FHOD3: variants seen among roughly 807,000 people sequenced by gnomAD.
The protein encoded by FHOD3 is FH1/FH2 domain-containing protein 3.
In FHOD3, 90 loss-of-function variants were observed where a neutral mutation model predicts 173.0. The ratio of observed to expected loss-of-function variants is 0.52; its 90% CI spans 0.44 to 0.62. FHOD3 has a LOEUF of 0.62. Among genes scored for constraint, FHOD3 ranks in the 20% least tolerant of loss-of-function variants. The pLI is 0.00. For missense variants in FHOD3, 1,945 were observed against 2,034.7 expected (o/e 0.96, Z 0.85); for synonymous variants, 828 against 823.0 (o/e 1.01, Z -0.10).
intron 5 of FHOD3, among the ~76,000 whole-genome samples, chr18:36,534,222 G>A (rs2056899984): frequency 6.6e-6 from 1 of 152,190 alleles, no homozygotes. Flanking sequence ...CTCCTATGTG[G>A]TTTAGGGGAG....
chr18:36,630,390 TC>T (rs1431916940), intron 10 of FHOD3, among the ~76,000 whole-genome samples: 2 of 152,312 alleles, frequency 1.3e-5, no homozygotes, highest in Middle Eastern at 3.4e-3. Flanking sequence ...TGATTTTAAG[TC>T]CGTTTAGCAA....
chr18:36,402,175 G>T (rs2048844617), intron 3 of FHOD3, among the ~76,000 whole-genome samples: 1 of 152,136 alleles, frequency 6.6e-6, no homozygotes, highest in African/African-American at 2.4e-5. Flanking sequence ...GCTGGGCGTG[G>T]TCCTTTTGTT....
At position 36,780,109 on chromosome 18, in the gene FHOD3, C is replaced by T. The variant is rs1404707014; in HGVS notation, c.*579C>T. 8 of 1,230,650 alleles carry T rather than the reference C, an allele frequency of 6.5e-6. No homozygotes were observed. Among genetic ancestry groups the T allele is most frequent in the Non-Finnish European group, 8.1e-6 (8 of 986,814 alleles). The allele number at this position is 1,230,650 out of a possible 1,614,324, so 76.2% of individuals were successfully genotyped here. On this transcript the variant is annotated 3_prime_UTR_variant, in exon 29 of 29. Transcript: ENST00000590592. ...ACAGGACCTTAAACAGTTCCACAGG[C>T]TCGCCTCTTCAGAATGGCAAAACTC...
At chr18:36,657,523 C>T (rs1220106691) in intron 13 of FHOD3, among the ~76,000 whole-genome samples, 1 of 152,224 alleles carries the variant, frequency 6.6e-6, no homozygotes, top group African/African-American at 2.4e-5. Flanking sequence ...TGAATACATG[C>T]ACCTCTAAGG....
intron 28 of FHOD3, among the ~76,000 whole-genome samples, chr18:36,777,132 C>A (rs1469570084): frequency 6.6e-6 from 1 of 151,958 alleles, no homozygotes; most frequent in Non-Finnish European, 1.5e-5. Flanking sequence ...TCCACACCAC[C>A]TTCTGTGGCT....
intron 5 of FHOD3, among the ~76,000 whole-genome samples, chr18:36,572,741 C>T (rs1333256923): frequency 1.3e-5 from 2 of 152,154 alleles, no homozygotes; most frequent in Non-Finnish European, 2.9e-5. Flanking sequence ...GGGGGGAGGC[C>T]TTCAGTCCCA....
At chr18:36,482,725 G>A (rs1359594675) in intron 3 of FHOD3, among the ~76,000 whole-genome samples, 3 of 152,004 alleles carry the variant, frequency 2.0e-5, no homozygotes, top group African/African-American at 7.3e-5. Context: ...CTCCCTGAGA[G>A]CAAGTCTTTT....
intron 14 of FHOD3, among the ~76,000 whole-genome samples, chr18:36,664,043 A>G (rs932938061): frequency 2.0e-5 from 3 of 152,098 alleles, no homozygotes; most frequent in Admixed American, 2.0e-4. Context: ...TGGATCCCAG[A>G]TGCTTGCTGG....
At position 36,744,575 on chromosome 18, in the gene FHOD3, A is replaced by T. The variant is rs573147898; in HGVS notation, c.4041+382A>T. Among the ~76,000 whole-genome samples the T allele has an allele frequency of 2.6e-5, 4 of 152,338 alleles. No homozygotes were observed. In the South Asian group the frequency reaches 8.3e-4, roughly 32 times the overall value. ...CAATTTGGCTCTTCCTGAGATGTCC[A>T]TAGGACCTTGCAGTGAGGTGTGGAG... On this transcript the variant is annotated intron_variant, in intron 23 of 28. Transcript: ENST00000590592.
chr18:36,556,450 T>C (rs981937222), intron 5 of FHOD3, among the ~76,000 whole-genome samples: 1 of 152,094 alleles, frequency 6.6e-6, no homozygotes, highest in Non-Finnish European at 1.5e-5. Context: ...TATGCACAGG[T>C]TTTTGGCATC....
intron 5 of FHOD3, among the ~76,000 whole-genome samples, chr18:36,516,421 G>A (rs1225762094): frequency 6.6e-6 from 1 of 152,228 alleles, no homozygotes; most frequent in Non-Finnish European, 1.5e-5. Context: ...CCAAGGGACA[G>A]GCAAGCCAGC....
At chr18:36,772,626 A>C (rs1418472924) in intron 28 of FHOD3, among the ~76,000 whole-genome samples, 2 of 152,258 alleles carry the variant, frequency 1.3e-5, no homozygotes, top group African/African-American at 2.4e-5. Context: ...CTGGTGACTG[A>C]GCCCACACAT....
chr18:36,418,300 T>C (rs1253353793), intron 3 of FHOD3, among the ~76,000 whole-genome samples: 1 of 152,244 alleles, frequency 6.6e-6, no homozygotes, highest in Non-Finnish European at 1.5e-5. Context: ...TTTTAGAGGT[T>C]ATTATTTAGA....
chr18:36,766,455 A>G lies in FHOD3; in HGVS notation c.4625-2810A>G, dbSNP rs193266426. Among the ~76,000 whole-genome samples the G allele has an allele frequency of 1.4e-3, 220 of 152,280 alleles. 1 individual carries two copies. The highest frequency in any genetic ancestry group is 5.0e-3 in the African/African-American group (207 of 41,558). On this transcript the variant is annotated intron_variant, in intron 27 of 28. Coordinates refer to ENST00000590592, the MANE Select transcript of FHOD3 (RefSeq NM_001281740.3). ...GCTTTATCCTCTCCACCACATCTCA[A>G]ATGTCTTGCTAACACTTACTACTAC...
intron 15 of FHOD3, among the ~76,000 whole-genome samples, chr18:36,685,483 G>C (rs142516369): frequency 2.6e-5 from 4 of 152,228 alleles, no homozygotes; most frequent in East Asian, 1.9e-4. Flanking sequence ...TATGCTCCTC[G>C]TGCTTTTTGC....
rs746067706 is a variant in FHOD3 at position 36,309,763 on chromosome 18, G to A, written c.165+11763G>A. 3.9e-5 allele frequency among the ~76,000 whole-genome samples: 6 copies of A among 152,162 alleles called. 1 individual carries two copies. Among genetic ancestry groups the A allele is most frequent in the African/African-American group, 9.7e-5 (4 of 41,442 alleles). On this transcript the variant is annotated intron_variant, in intron 1 of 28. Transcript: ENST00000590592. ...TGTCCAGAACAATAGTCAAGGATAC[G>A]AGTGGTTTTTTGTTCCCAGAACTGA...
intron 14 of FHOD3, among the ~76,000 whole-genome samples, chr18:36,670,110 T>A (rs1407243327): frequency 6.6e-6 from 1 of 152,118 alleles, no homozygotes; most frequent in Non-Finnish European, 1.5e-5. Context: ...TCTGTTTTTA[T>A]TTTTATACCT....
rs201739878 is a variant in FHOD3 at position 36,488,016 on chromosome 18, G to A, written c.338-13916G>A. Among the ~76,000 whole-genome samples, 5 of 152,258 alleles carry A rather than the reference G, an allele frequency of 3.3e-5. No homozygotes were observed. In the East Asian group the frequency reaches 7.7e-4, roughly 23 times the overall value. ...TATATTATTTTACTGTTGTTCTTCT[G>A]TTCCCCATTCATTACTGAATAAACT... On this transcript the variant is annotated intron_variant, in intron 3 of 28. Coordinates refer to ENST00000590592, the MANE Select transcript of FHOD3 (RefSeq NM_001281740.3).
chr18:36,591,088 T>G (rs1416953465), intron 6 of FHOD3, among the ~76,000 whole-genome samples: 1 of 152,228 alleles, frequency 6.6e-6, no homozygotes, highest in Non-Finnish European at 1.5e-5. Context: ...TTTTATTTAC[T>G]TGAAGAAATT....
Sources: allele counts gnomAD v4.1 joint callset (sites outside exome capture counted in the v4.1 genomes callset), GRCh38; gene constraint gnomAD v4.1.1; transcripts MANE v1.5; gene names NCBI Gene and HGNC (gene_info 2026-07-23, HGNC 2026-07-21).